UGT2B11: variants seen among roughly 807,000 people sequenced by gnomAD.
UGT2B11 encodes UDP-glucuronosyltransferase 2B11.
Under a neutral mutation model 51.7 loss-of-function variants are expected in UGT2B11, and 49 were observed. The ratio of observed to expected loss-of-function variants is 0.95; its 90% CI spans 0.75 to 1.20. The LOEUF is 1.20. UGT2B11 is among the 50% of genes most tolerant of loss of function. UGT2B11 has a pLI of 0.00. For synonymous variants in UGT2B11, 273 were observed against 209.0 expected (o/e 1.31, Z -2.64); for missense variants, 810 against 622.1 (o/e 1.30, Z -3.21).
intron 3 of UGT2B11, among the ~76,000 whole-genome samples, chr4:69,206,350 A>G (rs1201811025): frequency 6.6e-6 from 1 of 151,776 alleles, no homozygotes; most frequent in Non-Finnish European, 1.5e-5. Flanking sequence ...GGAGGCCGTT[A>G]GCCTTAGGAA....
the UGT2B11 span, among the ~76,000 whole-genome samples, chr4:69,224,841 G>T: frequency 3.9e-5 from 6 of 152,116 alleles, no homozygotes; most frequent in South Asian, 1.0e-3. Context: ...GGTAGCTAGT[G>T]TTAGATTTTT....
chr4:69,203,040 A>AT (rs949386069), intron 5 of UGT2B11, among the ~76,000 whole-genome samples: 3 of 151,746 alleles, frequency 2.0e-5, no homozygotes, highest in East Asian at 2.0e-4. Flanking sequence ...TTAAAATTAT[A>AT]TTTTTTGTGC....
intron 3 of UGT2B11, among the ~76,000 whole-genome samples, chr4:69,205,985 G>A (rs1375985448): frequency 2.0e-5 from 3 of 151,540 alleles, no homozygotes; most frequent in Non-Finnish European, 1.5e-5. Flanking sequence ...CATGATGTTG[G>A]CGAGGTTGTA....
intron 1 of UGT2B11, among the ~76,000 whole-genome samples, chr4:69,213,484 T>G (rs1288771622): frequency 6.6e-6 from 1 of 151,724 alleles, no homozygotes; most frequent in Non-Finnish European, 1.5e-5. Context: ...AAATCACCCT[T>G]ATTGACTTTT....
At chr4:69,212,905 A>C (rs573408160) in intron 1 of UGT2B11, among the ~76,000 whole-genome samples, 184 bp from the exon 2 acceptor site, 1 of 151,112 alleles carries the variant, frequency 6.6e-6, no homozygotes, top group African/African-American at 2.4e-5. Flanking sequence ...TTTATTTATA[A>C]GAAAGGCAAA....
At chr4:69,212,469 C>T in intron 2 of UGT2B11, 104 bp downstream of exon 2, 2 of 1,537,572 alleles carry the variant, frequency 1.3e-6, no homozygotes, top group East Asian at 2.3e-5. Context: ...ACCTACTTCC[C>T]ATCTTTCTTT....
In UGT2B11 at chr4:69,212,675, C is replaced by T. The variant is rs138593124; in HGVS notation, c.768G>A (p.Trp256Ter). 1.1e-3 allele frequency: 1,826 copies of T among 1,609,850 alleles called. 16 individuals are homozygous for T. The African/African-American group carries it at 0.022, about 19-fold the overall frequency. Residue 256 changes from tryptophan to a stop codon, truncating the protein, a stop_gained, in exon 2 of 6, where the codon TGG becomes TGA. Transcript: ENST00000446444. LOFTEE classifies it high-confidence loss of function. ...GAAAACTCCAGGAGTTTCGCATAAG[C>T]CATATGTCAGCTTTTCCCATTGTCT... Reference protein sequence around the residue: ...LFETMGKADIWLMRNSWSFQF... With the variant: ...LFETMGKADI
upstream of UGT2B11, chr4:69,216,904 G>A (rs1722288341): frequency 6.6e-6 from 1 of 152,002 alleles, no homozygotes; most frequent in Non-Finnish European, 1.5e-5. Context: ...TGAGGCAGGG[G>A]TGTGATCTAT....
At chr4:69,215,823 A>T (rs1482034671), upstream of UGT2B11, 2 of 151,914 alleles carry the variant, frequency 1.3e-5, no homozygotes, top group African/African-American at 4.8e-5. Context: ...ATTTTAATTT[A>T]TAAACACACT....
chr4:69,206,404 A>T (rs936073903), intron 3 of UGT2B11, among the ~76,000 whole-genome samples: 5 of 151,716 alleles, frequency 3.3e-5, no homozygotes, highest in African/African-American at 9.7e-5. Flanking sequence ...GTCCTCACTT[A>T]TGAGTGGAAG....
the UGT2B11 span, among the ~76,000 whole-genome samples, chr4:69,222,354 GT>G: frequency 1.6e-5 from 2 of 128,802 alleles, no homozygotes; most frequent in African/African-American, 5.6e-5. Context: ...AAGCAGAGGG[GT>G]TTTCCTCCTT....
At position 69,214,305 on chromosome 4, in the gene UGT2B11, G is replaced by A; in HGVS notation, c.418C>T (p.Leu140=). ...ACGATGTCAAATCTTGACTCTTGTA[G>A]TTTTTTCATAACTTTCTTATTTGAA... ...VVSNKKVMKK[L]QESRFDIVFA... Residue 140 remains leucine, a synonymous_variant, in exon 1 of 6, where the codon CTA becomes TTA. Transcript: ENST00000446444. 6.2e-7 allele frequency: 1 copy of A among 1,613,156 alleles called. No individual in the cohort carries two copies. The highest frequency in any genetic ancestry group is 8.5e-7 in the Non-Finnish European group (1 of 1,179,478).
Position 69,214,041 on chromosome 4 carries a change from C to G in UGT2B11, c.682G>C (p.Asp228His), listed in dbSNP as rs776867903. The G allele has an allele frequency of 7.5e-6, 12 of 1,600,708 alleles. No individual in the cohort carries two copies. The East Asian group carries it at 2.5e-4, about 33-fold the overall frequency. ...TAAAACTGATCCCACTTCTTCATAT[C>G]AGACATTTGGAACCAAAAGTCAAAA... ...LYFDFWFQMS[D>H]MKKWDQFYSE... The change falls in exon 1 of 6, where the codon GAT becomes CAT. Residue 228 changes from aspartate (D) to histidine (H), a missense_variant. Asp to His is a moderately conservative substitution (Grantham distance 81). Transcript: ENST00000446444.
At position 69,212,712 on chromosome 4, in the gene UGT2B11, G is replaced by T. The variant is rs1199238784; in HGVS notation, c.731C>A (p.Thr244Asn). Residue 244 changes from threonine to asparagine, a missense_variant, in exon 2 of 6, where the codon ACT becomes AAT. Coordinates refer to ENST00000446444, the MANE Select transcript of UGT2B11 (RefSeq NM_001073.3). The part of the protein sequence containing the change: ...QFYSEVLGRP[T>N]TLFETMGKAD... ...TTTTCCCATTGTCTCAAATAAGGTA[G>T]TGGGTCTTCCTGACAGGAATAAAGA... 1 of 1,606,450 alleles carries T rather than the reference G, an allele frequency of 6.2e-7. No homozygotes were observed. Among genetic ancestry groups the T allele is most frequent in the East Asian group, 2.2e-5 (1 of 44,648 alleles).
chr4:69,202,965 C>T (rs2109940003), intron 5 of UGT2B11, among the ~76,000 whole-genome samples: 1 of 151,610 alleles, frequency 6.6e-6, no homozygotes, highest in Admixed American at 6.6e-5. Context: ...TAGCTGGACT[C>T]CGCAGGTAAT....
chr4:69,223,329 T>TGACA, the UGT2B11 span, among the ~76,000 whole-genome samples: 3 of 151,958 alleles, frequency 2.0e-5, no homozygotes, highest in Non-Finnish European at 4.4e-5. Flanking sequence ...CCGCTGGTTA[T>TGACA]TCCTGGGACT....
At chr4:69,213,530 G>A (rs182982146) in intron 1 of UGT2B11, among the ~76,000 whole-genome samples, 8 of 151,790 alleles carry the variant, frequency 5.3e-5, no homozygotes, top group African/African-American at 1.9e-4. Flanking sequence ...TCTCTACTGT[G>A]AAGGAAACCT....
At chr4:69,202,878 T>C (rs1487025338) in intron 5 of UGT2B11, among the ~76,000 whole-genome samples, 1 of 151,672 alleles carries the variant, frequency 6.6e-6, no homozygotes, top group African/African-American at 2.4e-5. Context: ...ATAAAGTATT[T>C]TTAAAGTATT....
chr4:69,208,198 A>G (rs1392077352), intron 3 of UGT2B11, among the ~76,000 whole-genome samples, 153 bp downstream of exon 3: 3 of 151,528 alleles, frequency 2.0e-5, no homozygotes, highest in Non-Finnish European at 3.0e-5. Context: ...AGGCACAACT[A>G]TTACTTGTGT....
Sources: allele counts gnomAD v4.1 joint callset (sites outside exome capture counted in the v4.1 genomes callset), GRCh38; gene constraint gnomAD v4.1.1; transcripts MANE v1.5; gene names NCBI Gene and HGNC (gene_info 2026-07-23, HGNC 2026-07-21).